ASXL2: variants seen among roughly 807,000 people sequenced by gnomAD.
ASXL2 encodes putative Polycomb group protein ASXL2.
A neutral mutation model predicts 122.0 loss-of-function variants in ASXL2; 23 were observed. The observed-to-expected ratio is 0.19, with a 90% CI of 0.14 to 0.27. The LOEUF is 0.27. ASXL2 is among the 10% of genes least tolerant of loss of function. The pLI, the probability that ASXL2 is intolerant of heterozygous loss-of-function variation, is 1.00. For synonymous variants in ASXL2, 650 were observed against 637.0 expected (o/e 1.02, Z -0.31); for missense variants, 1,518 against 1,713.8 (o/e 0.89, Z 2.02).
At chr2:25,851,187 G>A (rs1484321560) in intron 1 of ASXL2, among the ~76,000 whole-genome samples, 2 of 151,534 alleles carry the variant, frequency 1.3e-5, no homozygotes, top group Non-Finnish European at 2.9e-5. Flanking sequence ...GGCAGGATAA[G>A]TAACTTATTT....
chr2:25,767,772 A>G, intron 7 of ASXL2, 46 bp from the exon 8 acceptor site: 2 of 1,595,666 alleles, frequency 1.3e-6, no homozygotes, highest in Non-Finnish European at 1.7e-6. Context: ...CTGAGATTAT[A>G]GACAGAATCA....
chr2:25,810,404 C>G (rs1222469857), intron 3 of ASXL2: 4 of 685,582 alleles, frequency 5.8e-6, no homozygotes, highest in African/African-American at 3.5e-5. Context: ...TCACTCTGAT[C>G]AGTAGCTTTT....
At chr2:25,798,990 C>A (rs2088952795) in intron 5 of ASXL2, among the ~76,000 whole-genome samples, 1 of 152,002 alleles carries the variant, frequency 6.6e-6, no homozygotes, top group South Asian at 2.1e-4. Flanking sequence ...TCAGCTGTAA[C>A]AAATATAGCA....
intron 3 of ASXL2, among the ~76,000 whole-genome samples, chr2:25,832,222 C>T (rs1257054381): frequency 6.6e-6 from 1 of 152,058 alleles, no homozygotes; most frequent in Non-Finnish European, 1.5e-5. Context: ...ATGTTAATAC[C>T]ATCTCATACT....
At chr2:25,806,967 C>T (rs901346785) in intron 3 of ASXL2, among the ~76,000 whole-genome samples, 1 of 151,626 alleles carries the variant, frequency 6.6e-6, no homozygotes, top group Admixed American at 6.6e-5. Context: ...GTTAATTTTG[C>T]ACCAACCAAA....
At chr2:25,817,108 C>A (rs2089248189) in intron 3 of ASXL2, among the ~76,000 whole-genome samples, 1 of 151,512 alleles carries the variant, frequency 6.6e-6, no homozygotes. Context: ...GTTGGCAGAG[C>A]AAGACTCTGT....
chr2:25,877,685 G>T (rs2090020617), intron 1 of ASXL2, among the ~76,000 whole-genome samples: 1 of 152,200 alleles, frequency 6.6e-6, no homozygotes, highest in African/African-American at 2.4e-5. Flanking sequence ...CAAACAGGGG[G>T]CCCGGGGTCA....
chr2:25,759,713 T>G, intron 8 of ASXL2, 68 bp from the exon 9 acceptor site: 1 of 1,486,244 alleles, frequency 6.7e-7, no homozygotes, highest in Non-Finnish European at 9.1e-7. Context: ...ACTGTAGCTT[T>G]CTGTGCAGTA....
intron 3 of ASXL2, among the ~76,000 whole-genome samples, chr2:25,813,943 G>C (rs1419789004): frequency 1.3e-5 from 2 of 152,290 alleles, no homozygotes; most frequent in South Asian, 2.1e-4. Flanking sequence ...CCAGCTACTT[G>C]GGAGGCTGAG....
At chr2:25,857,389 A>G (rs2089793313) in intron 1 of ASXL2, among the ~76,000 whole-genome samples, 1 of 152,206 alleles carries the variant, frequency 6.6e-6, no homozygotes. Context: ...GATTGTACCT[A>G]TATGTACCCA....
chr2:25,739,205 C>G lies in ASXL2; in HGVS notation c.*2824G>C, dbSNP rs1341548801. ...ACTGGAAATAATGCCAGGTCATACCCTAAGAATAAGCTCAGCATTTATTAA... is the reference window on the plus strand; with the variant it reads ...ACTGGAAATAATGCCAGGTCATACCGTAAGAATAAGCTCAGCATTTATTAA... On this transcript the variant is annotated 3_prime_UTR_variant, in exon 13 of 13. Coordinates refer to ENST00000435504, the MANE Select transcript of ASXL2 (RefSeq NM_018263.6). The G allele has an allele frequency of 1.3e-5, 2 of 154,228 alleles. No homozygotes were observed. The highest frequency in any genetic ancestry group is 4.8e-5 in the African/African-American group (2 of 41,488). 9.6% of individuals were successfully genotyped at this position (154,228 alleles called of 1,614,324 possible). A position where few individuals can be genotyped will look rare whatever the true frequency, so the allele number is the denominator to read the frequency against.
intron 1 of ASXL2, among the ~76,000 whole-genome samples, chr2:25,847,920 A>C (rs1049458445): frequency 6.6e-6 from 1 of 152,250 alleles, no homozygotes; most frequent in Non-Finnish European, 1.5e-5. Flanking sequence ...TACATATTCA[A>C]TATCCTATAA....
chr2:25,776,761 G>C (rs562325455), intron 5 of ASXL2, among the ~76,000 whole-genome samples: 2 of 152,190 alleles, frequency 1.3e-5, no homozygotes, highest in South Asian at 2.1e-4. Context: ...GAAATCTCAA[G>C]ACTATACATT....
chr2:25,751,558 C>T (rs1183377791), intron 11 of ASXL2, among the ~76,000 whole-genome samples: 4 of 151,330 alleles, frequency 2.6e-5, no homozygotes, highest in African/African-American at 7.3e-5. Flanking sequence ...TGCCTAAGCC[C>T]GGGAGATTAA....
In ASXL2 at chr2:25,736,969, T is replaced by C. The variant is rs988106795; in HGVS notation, c.*5060A>G. ...CAGCCACAAAATGAGTTCTCGTGGA[T>C]TAGACAGCAATCTCGGTATGGGAAC... On this transcript the variant is annotated 3_prime_UTR_variant, in exon 13 of 13. Coordinates refer to ENST00000435504, the MANE Select transcript of ASXL2 (RefSeq NM_018263.6). 2.4e-4 allele frequency: 37 copies of C among 152,224 alleles called. No individual in the cohort carries two copies. The highest frequency in any genetic ancestry group is 8.4e-4 in the African/African-American group (35 of 41,456). The allele number at this position is 152,224 out of a possible 1,614,324, so 9.4% of individuals were successfully genotyped here. A position where few individuals can be genotyped will look rare whatever the true frequency, so the allele number is the denominator to read the frequency against.
intron 1 of ASXL2, among the ~76,000 whole-genome samples, chr2:25,873,563 G>T (rs1043004951): frequency 4.6e-5 from 7 of 151,408 alleles, no homozygotes; most frequent in Non-Finnish European, 8.8e-5. Flanking sequence ...AGTGACAAAA[G>T]TGACAAAAGT....
Position 25,750,082 on chromosome 2 carries a change from T to C in ASXL2, c.1474A>G (p.Lys492Glu). 6.2e-7 allele frequency: 1 copy of C among 1,613,998 alleles called. No individual in the cohort carries two copies. ...CPKDEDLLEQ[K>E]PVTSAEQESE... ...TCCTGTTCAGCAGAGGTGACTGGCT[T>C]CTGCTCCAAGAGATCCTCATCCTTT... The change falls in exon 12 of 13, where the codon AAG becomes GAG. Residue 492 changes from lysine (K) to glutamate (E), a missense_variant. Transcript: ENST00000435504.
intron 3 of ASXL2, among the ~76,000 whole-genome samples, chr2:25,829,109 A>G (rs944599420): frequency 3.3e-5 from 5 of 152,162 alleles, no homozygotes; most frequent in African/African-American, 1.2e-4. Flanking sequence ...TAGGAAATAA[A>G]AAGTAGGCCA....
At chr2:25,764,440 A>G (rs946356617) in intron 8 of ASXL2, among the ~76,000 whole-genome samples, 9 of 152,206 alleles carry the variant, frequency 5.9e-5, no homozygotes, top group Non-Finnish European at 1.0e-4. Flanking sequence ...CAAAAAGATA[A>G]ATAAATAAAA....
Sources: allele counts gnomAD v4.1 joint callset (sites outside exome capture counted in the v4.1 genomes callset), GRCh38; gene constraint gnomAD v4.1.1; transcripts MANE v1.5; gene names NCBI Gene and HGNC (gene_info 2026-07-23, HGNC 2026-07-21).